CPSF1: variants seen among roughly 807,000 people sequenced by gnomAD.
CPSF1 encodes cleavage and polyadenylation specific factor 1, also known as cleavage and polyadenylation specificity factor subunit 1.
CPSF1 carries 106 observed loss-of-function variants against 175.8 expected under a neutral mutation model. The observed-to-expected ratio is 0.60, with a 90% confidence interval of 0.52 to 0.71. CPSF1 has a LOEUF of 0.71. Among genes scored for constraint, CPSF1 ranks in the 30% least tolerant of loss-of-function variants. CPSF1 has a pLI of 0.00. For synonymous variants in CPSF1, 1,024 were observed against 858.3 expected (o/e 1.19, Z -3.37); for missense variants, 1,734 against 2,022.9 (o/e 0.86, Z 2.74).
Position 144,400,157 on chromosome 8 carries a change from C to CCCCCCCCA in CPSF1, c.937+8_937+9insTGGGGGGG. 6.5e-7 allele frequency: 1 copy of CCCCCCCCA among 1,543,550 alleles called. No individual in the cohort carries two copies. The highest frequency in any genetic ancestry group is 8.8e-7 in the Non-Finnish European group (1 of 1,139,406). On this transcript the variant is annotated intron_variant, in intron 9 of 37. Coordinates refer to ENST00000616140, the MANE Select transcript of CPSF1 (RefSeq NM_013291.3). ...CGGGCCCCCCCCGCCCCAGCCACCCCACACTCACGAAGCGGGAAAGCCGTG... is the reference window on the plus strand; with the variant it reads ...CGGGCCCCCCCCGCCCCAGCCACCCCCCCCCCCAACACTCACGAAGCGGGAAAGCCGTG...
At position 144,393,782 on chromosome 8, in the gene CPSF1, C is replaced by T. The variant is rs782535642; in HGVS notation, c.4030G>A (p.Gly1344Ser). The change falls in exon 36 of 38, where the codon GGC (glycine) becomes AGC (serine). Residue 1344 changes from glycine (G) to serine (S), a missense_variant. Coordinates refer to ENST00000616140, the MANE Select transcript of CPSF1 (RefSeq NM_013291.3). ...HITWFATLDGGIGLLLPMQEK... is the reference protein window; with the variant it reads ...HITWFATLDGSIGLLLPMQEK... ...TGCATGGGCAGCAGCAGCCCGATGC[C>T]GCCGTCCAGGGTGGCTGGCAGGGGT... 1.3e-5 allele frequency: 20 copies of T among 1,597,770 alleles called. No homozygotes were observed. In the East Asian group the frequency reaches 1.6e-4, roughly 13 times the overall value.
Position 144,393,650 on chromosome 8 carries a change from G to GCGGGGC in CPSF1, c.4145+11_4145+16dup, listed in dbSNP as rs1820490476. 6.4e-7 allele frequency: 1 copy of GCGGGGC among 1,568,776 alleles called. No individual in the cohort carries two copies. Among genetic ancestry groups the GCGGGGC allele is most frequent in the Non-Finnish European group, 8.6e-7 (1 of 1,163,954 alleles). On this transcript the variant is annotated intron_variant, in intron 36 of 37. Transcript: ENST00000616140. ...GGGGTGGAGGGGGTGCTGCACGGGGGCGGGGCCGGGGCTCACCGGAAGGCG... is the reference window on the plus strand; with the variant it reads ...GGGGTGGAGGGGGTGCTGCACGGGGGCGGGGCCGGGGCCGGGGCTCACCGGAAGGCG...
In CPSF1 at chr8:144,401,250, C is replaced by A; in HGVS notation, c.348G>T (p.Lys116Asn). 6.4e-7 allele frequency: 1 copy of A among 1,552,162 alleles called. No individual in the cohort carries two copies. The highest frequency in any genetic ancestry group is 8.7e-7 in the Non-Finnish European group (1 of 1,147,714). The change falls in exon 5 of 38, where the codon AAG becomes AAT. Residue 116 changes from lysine (K) to asparagine (N), a missense_variant. By Grantham distance (94) the Lys-to-Asn change is moderately conservative (BLOSUM62 0). Transcript: ENST00000616140. ...VEYDPGTHDL[K>N]TLSLHYFEEP... ...CCTCAAAGTAGTGCAGTGACAGGGT[C>A]TTCAGGTCATGGGTGCCCGGGTCGT...
chr8:144,401,253 C>T lies in CPSF1; in HGVS notation c.345G>A (p.Leu115=). ...VVEYDPGTHD[L]KTLSLHYFEE... ...CAAAGTAGTGCAGTGACAGGGTCTT[C>T]AGGTCATGGGTGCCCGGGTCGTACT... Residue 115 remains leucine (L), a synonymous_variant, in exon 5 of 38, where the codon CTG becomes CTA. Transcript: ENST00000616140. The T allele has an allele frequency of 6.4e-7, 1 of 1,552,408 alleles. No homozygotes were observed. The highest frequency in any genetic ancestry group is 1.4e-5 in the African/African-American group (1 of 73,214).
In CPSF1 at chr8:144,399,078, C is replaced by T. The variant is rs556046676; in HGVS notation, c.1468-40G>A. 6.5e-7 allele frequency: 1 copy of T among 1,547,200 alleles called. No individual in the cohort carries two copies. Among genetic ancestry groups the T allele is most frequent in the Non-Finnish European group, 8.7e-7 (1 of 1,145,116 alleles). On this transcript the variant is annotated intron_variant, in intron 15 of 37. Transcript: ENST00000616140. This position sits in a 1 kb window ranked among gnomAD's most constrained non-coding sequence, Gnocchi z 6.4. ...GGGGTGAGGACTATGCCCCCCACCC[C>T]CCCTCACACTCCAGCCCCTGCCCCC...
Position 144,393,470 on chromosome 8 carries a change from G to C in CPSF1, c.4266C>G (p.Ile1422Met), listed in dbSNP as rs781866979. ...CACTCACTATGTCTGGTGTGGTGCC[G>C]ATCTTCTTGGCTAGCTCGCTGCGCT... ...TMERSELAKK[I>M]GTTPDIILDD... Residue 1422 changes from isoleucine to methionine, a missense_variant, in exon 37 of 38, where the codon ATC (isoleucine) becomes ATG (methionine). Ile to Met is a conservative substitution (Grantham distance 10). Coordinates refer to ENST00000616140, the MANE Select transcript of CPSF1 (RefSeq NM_013291.3). 1.9e-6 allele frequency: 3 copies of C among 1,558,946 alleles called. No individual in the cohort carries two copies. The highest frequency in any genetic ancestry group is 1.2e-5 in the South Asian group (1 of 84,638).
chr8:144,402,852 G>A (rs1471837499), intron 2 of CPSF1, among the ~76,000 whole-genome samples: 1 of 152,202 alleles, frequency 6.6e-6, no homozygotes, highest in Non-Finnish European at 1.5e-5. Context: ...AGGTGGGACA[G>A]GAAGTGACAC....
rs2116859413 is a variant in CPSF1 at position 144,399,148 on chromosome 8, G to A, written c.1447C>T (p.Pro483Ser). The A allele has an allele frequency of 3.8e-6, 6 of 1,589,824 alleles. No homozygotes were observed. Among genetic ancestry groups the A allele is most frequent in the Non-Finnish European group, 5.1e-6 (6 of 1,168,668 alleles). ...GGCACCTCTTCAGAGAGGAAGGCAG[G>A]CTCGCCCACGGCGGCATTGGCACAG... ...GPCANAAVGE[P>S]AFLSEEFQNS... Residue 483 changes from proline (P) to serine (S), a missense_variant, in exon 15 of 38, where the codon CCT (proline) becomes TCT (serine). Around this residue, in one of 10 missense-constraint regions of CPSF1, gnomAD observed 280 missense variants for 349.2 expected, o/e 0.80. Coordinates refer to ENST00000616140, the MANE Select transcript of CPSF1 (RefSeq NM_013291.3). The surrounding 1 kb of genome is among the most constrained non-coding windows in gnomAD (Gnocchi z 6.4).
At chr8:144,400,135 G>GGGGCCCCCCCCCCC in intron 9 of CPSF1, 31 bp downstream of exon 9, 23 of 895,956 alleles carry the variant, frequency 2.6e-5, no homozygotes, top group Non-Finnish European at 3.2e-5. Context: ...CCGTCCCCGG[G>GGGGCCCCCCCCCCC]CCCCCCCCGC....
At position 144,395,100 on chromosome 8, in the gene CPSF1, G is replaced by A. The variant is rs1820629370; in HGVS notation, c.3270C>T (p.Ala1090=). The change falls in exon 29 of 38, where the codon GCC becomes GCT. Residue 1090 remains alanine, a splice_region_variant and synonymous_variant. Transcript: ENST00000616140. ...SPVSWEAIPN[A]RIELQEWEHV... ...CACCCCCGCCGGCCCAGCCTCACCT[G>A]GCATTGGGAATAGCCTCCCAGCTGA... 1 of 1,609,664 alleles carries A rather than the reference G, an allele frequency of 6.2e-7. No individual in the cohort carries two copies.
At chr8:144,394,601 T>G (rs1820588636) in intron 31 of CPSF1, 43 bp downstream of exon 31, 2 of 1,601,848 alleles carry the variant, frequency 1.2e-6, no homozygotes, top group African/African-American at 1.3e-5. Context: ...GGGAGCCGGG[T>G]GAGGGTGAGC....
rs147638976 is a variant in CPSF1, at chr8:144,396,673, G to A, written c.2751C>T (p.Gly917=). Residue 917 remains glycine, a synonymous_variant, in exon 25 of 38, where the codon GGC becomes GGT. Coordinates refer to ENST00000616140, the MANE Select transcript of CPSF1 (RefSeq NM_013291.3). The part of the protein sequence containing the change: ...KPSKKKAEGG[G]AEEGAGARGR... ...CCCGGGCCCCAGCCCCCTCCTCTGC[G>A]CCGCCACCTTCTGCTTTCTTCTTGG... 6.1e-5 allele frequency: 98 copies of A among 1,613,762 alleles called. No homozygotes were observed. The highest frequency in any genetic ancestry group is 5.7e-4 in the African/African-American group (43 of 74,930).
At position 144,393,268 on chromosome 8, in the gene CPSF1, AAG is replaced by A. The variant is rs781881278; in HGVS notation, c.*48_*49del. On this transcript the variant is annotated 3_prime_UTR_variant, in exon 38 of 38. Transcript: ENST00000616140. ...TGTTTTTCCTTGTGTTTTGTACAAA[AAG>A]GGGGTGGGAGGTAGTTCCGTGTGCT... 1.2e-5 allele frequency: 17 copies of A among 1,455,134 alleles called. No homozygotes were observed. In the African/African-American group the frequency reaches 1.8e-4, roughly 16 times the overall value. 90.1% of individuals were successfully genotyped at this position (1,455,134 alleles called of 1,614,324 possible). A position where few individuals can be genotyped will look rare whatever the true frequency, so the allele number is the denominator to read the frequency against.
In CPSF1 at chr8:144,408,268, C is replaced by T. The variant is rs187633550; in HGVS notation, c.144+747G>A. Among the ~76,000 whole-genome samples the T allele has an allele frequency of 2.2e-4, 34 of 152,284 alleles. No individual in the cohort carries two copies. In the East Asian group the frequency reaches 4.6e-3, roughly 21 times the overall value. On this transcript the variant is annotated intron_variant, in intron 2 of 37. Coordinates refer to ENST00000616140, the MANE Select transcript of CPSF1 (RefSeq NM_013291.3). ...TCTCTCCACCCTCAACTGCTTTGGG[C>T]CTGTGCACAGGCTGTTTCTTCTGCC...
chr8:144,395,831 A>G (rs907271609), intron 26 of CPSF1: 1 of 549,240 alleles, frequency 1.8e-6, no homozygotes, highest in African/African-American at 1.9e-5. Context: ...AGGGCAGCCC[A>G]CAGACTGCCA....
intron 2 of CPSF1, among the ~76,000 whole-genome samples, chr8:144,402,400 C>T (rs1971250): frequency 0.48 from 73,617 of 151,966 alleles, 19,610 homozygotes; most frequent in Middle Eastern, 0.71. Context: ...CTCTGCCTCC[C>T]GGGTTCAAGT....
chr8:144,398,694 G>C, intron 17 of CPSF1, 56 bp from the exon 18 acceptor site: 9 of 1,603,768 alleles, frequency 5.6e-6, no homozygotes, highest in Non-Finnish European at 7.7e-6. Flanking sequence ...AGGCAGGCAC[G>C]CAGGTGCGAC....
chr8:144,405,720 G>A (rs1224725979), intron 2 of CPSF1, among the ~76,000 whole-genome samples: 1 of 152,228 alleles, frequency 6.6e-6, no homozygotes, highest in Non-Finnish European at 1.5e-5. Context: ...GCAGACTGTG[G>A]TGGCAGGGAC....
Position 144,393,598 on chromosome 8 carries a change from G to C in CPSF1, c.4146-8C>G, listed in dbSNP as rs782795245. The C allele has an allele frequency of 1.9e-6, 3 of 1,601,544 alleles. No individual in the cohort carries two copies. Among genetic ancestry groups the C allele is most frequent in the South Asian group, 2.2e-5 (2 of 89,022 alleles). ...CGGTCCACGTGCAGCATCCTGGGGC[G>C]TACAGGCACAGGTGTCAGGGCAGGC... On this transcript the variant is annotated splice_region_variant and splice_polypyrimidine_tract_variant and intron_variant, in intron 36 of 37. Transcript: ENST00000616140.
Sources: gnomAD v4.1 joint callset for allele counts (sites outside exome capture counted in the v4.1 genomes callset) on GRCh38, gnomAD v4.1.1 for gene constraint, gnomAD v4.1.1 regional missense constraint, Gnocchi (gnomAD v3.1) non-coding constraint, MANE v1.5 for transcripts, NCBI Gene and HGNC (gene_info 2026-07-23, HGNC 2026-07-21) for gene names.